Variants in TCF12 observed in about 807,000 individuals in gnomAD.
TCF12 encodes the protein transcription factor 12, also known as DNA-binding protein HTF4.
In TCF12, 45 loss-of-function variants were observed where a neutral mutation model predicts 86.0. The ratio of observed to expected loss-of-function variants is 0.52; its 90% CI spans 0.41 to 0.67. TCF12 has a LOEUF of 0.67. TCF12 is among the 30% of genes least tolerant of loss of function. The probability of loss-of-function intolerance (pLI) is 0.00; values close to 1 mark genes in which losing one functional copy is unlikely to be tolerated. For synonymous variants in TCF12, 330 were observed against 299.6 expected (o/e 1.10, Z -1.05); for missense variants, 881 against 859.9 (o/e 1.02, Z -0.31).
intron 3 of TCF12, among the ~76,000 whole-genome samples, chr15:56,971,789 G>T (rs753484078): frequency 2.0e-5 from 3 of 152,110 alleles, no homozygotes; most frequent in African/African-American, 4.8e-5. Context: ...TTCACTTTCT[G>T]GGGATTCAGT....
intron 3 of TCF12, among the ~76,000 whole-genome samples, chr15:57,006,949 A>G (rs903498435): frequency 6.6e-6 from 1 of 152,102 alleles, no homozygotes; most frequent in Non-Finnish European, 1.5e-5. Context: ...ACAAAATGAG[A>G]TATGGCAATT....
In TCF12 at chr15:57,282,771, G is replaced by C. The variant is rs146740551; in HGVS notation, c.*11+173G>C. On this transcript the variant is annotated intron_variant, in intron 20 of 20. Coordinates refer to ENST00000333725, the MANE Select transcript of TCF12 (RefSeq NM_207037.2). ...TTACATTATCAGACTTAGAGAGCCAGTGTCATTTTATAGCAAATTGCCATT... is the reference window on the plus strand; with the variant it reads ...TTACATTATCAGACTTAGAGAGCCACTGTCATTTTATAGCAAATTGCCATT... 3.0e-4 allele frequency among the ~76,000 whole-genome samples: 45 copies of C among 152,332 alleles called. 1 individual carries two copies. The East Asian group carries it at 8.5e-3, about 29-fold the overall frequency.
intron 8 of TCF12, among the ~76,000 whole-genome samples, chr15:57,228,653 A>C (rs1472828003): frequency 6.6e-6 from 1 of 152,014 alleles, no homozygotes; most frequent in Admixed American, 6.6e-5. Flanking sequence ...TCTGATCAGC[A>C]TATTCTCTTT....
At chr15:57,105,340 G>C (rs1470898054) in intron 5 of TCF12, among the ~76,000 whole-genome samples, 2 of 152,190 alleles carry the variant, frequency 1.3e-5, no homozygotes, top group Non-Finnish European at 2.9e-5. Flanking sequence ...GCTCCCTGGT[G>C]AGGGAACATG....
chr15:57,105,493 C>T (rs1302635955), intron 5 of TCF12, among the ~76,000 whole-genome samples: 7 of 152,050 alleles, frequency 4.6e-5, no homozygotes, highest in African/African-American at 1.4e-4. Flanking sequence ...TTGCTCACTG[C>T]AATCTCACTC....
intron 5 of TCF12, among the ~76,000 whole-genome samples, chr15:57,160,892 G>A (rs1486575110): frequency 6.6e-6 from 1 of 151,348 alleles, no homozygotes; most frequent in African/African-American, 2.4e-5. Flanking sequence ...TTCTCACTAT[G>A]TTGCCCAGGC....
At chr15:57,167,425 G>A (rs2054982339) in intron 6 of TCF12, among the ~76,000 whole-genome samples, 1 of 152,070 alleles carries the variant, frequency 6.6e-6, no homozygotes, top group African/African-American at 2.4e-5. Context: ...GCCAGGTGTA[G>A]TGGTGCATGC....
rs140371989 is a variant in TCF12 at position 57,273,261 on chromosome 15, A to G, written c.1977A>G (p.Arg659=). Residue 659 remains arginine (R), a splice_region_variant and synonymous_variant, in exon 19 of 21, where the codon AGA becomes AGG. Coordinates refer to ENST00000333725, the MANE Select transcript of TCF12 (RefSeq NM_207037.2). ...TCCTTAGTCTAGAACAGCAAGTCAGAGGTAAGTAGGTTCAGCCGAGATGTA... is the reference window on the plus strand; with the variant it reads ...TCCTTAGTCTAGAACAGCAAGTCAGGGGTAAGTAGGTTCAGCCGAGATGTA... ...AVILSLEQQV[R]ERNLNPKAAC... 1 of 1,613,900 alleles carries G rather than the reference A, an allele frequency of 6.2e-7. No individual in the cohort carries two copies. Among genetic ancestry groups the G allele is most frequent in the African/African-American group, 1.3e-5 (1 of 74,906 alleles).
chr15:57,030,074 C>CTA (rs35861649), intron 3 of TCF12, among the ~76,000 whole-genome samples: 84,923 of 151,682 alleles, frequency 0.56, 25,144 homozygotes, highest in African/African-American at 0.75. Context: ...GTTTTCATTT[C>CTA]TAGTTTTCAT....
At chr15:57,021,077 A>C (rs999729779) in intron 3 of TCF12, among the ~76,000 whole-genome samples, 9 of 152,210 alleles carry the variant, frequency 5.9e-5, no homozygotes, top group Middle Eastern at 3.2e-3. Flanking sequence ...AGTGGAAATT[A>C]TCTCTTCTGT....
chr15:57,119,767 G>C (rs1006780158), intron 5 of TCF12, among the ~76,000 whole-genome samples: 5 of 152,090 alleles, frequency 3.3e-5, no homozygotes, highest in Non-Finnish European at 7.4e-5. Context: ...ATGTGATCCT[G>C]TGGCAATCCT....
intron 6 of TCF12, among the ~76,000 whole-genome samples, chr15:57,181,604 T>C (rs2056357128): frequency 6.6e-6 from 1 of 152,218 alleles, no homozygotes; most frequent in Non-Finnish European, 1.5e-5. Flanking sequence ...TTCATTTACT[T>C]TTTGTTTATT....
At chr15:56,995,523 T>C (rs1297191343) in intron 3 of TCF12, among the ~76,000 whole-genome samples, 1 of 152,058 alleles carries the variant, frequency 6.6e-6, no homozygotes, top group Non-Finnish European at 1.5e-5. Context: ...GTAGTGATCT[T>C]TTACGTCCTT....
intron 4 of TCF12, among the ~76,000 whole-genome samples, chr15:57,070,015 C>A (rs889451450): frequency 6.6e-6 from 1 of 152,052 alleles, no homozygotes; most frequent in Non-Finnish European, 1.5e-5. Context: ...TTACTTTAAT[C>A]TTTTTTTCTT....
At chr15:57,056,039 G>A (rs2067992863) in intron 3 of TCF12, among the ~76,000 whole-genome samples, 1 of 151,028 alleles carries the variant, frequency 6.6e-6, no homozygotes, top group Non-Finnish European at 1.5e-5. Flanking sequence ...TTCACTTACT[G>A]TTACCCCTGT....
chr15:57,147,729 T>A (rs1209836932), intron 5 of TCF12, among the ~76,000 whole-genome samples: 1 of 152,042 alleles, frequency 6.6e-6, no homozygotes, highest in Non-Finnish European at 1.5e-5. Context: ...AAAATACAAA[T>A]ATGGAAAATG....
intron 5 of TCF12, among the ~76,000 whole-genome samples, chr15:57,119,545 G>A (rs539172888): frequency 1.3e-5 from 2 of 148,508 alleles, no homozygotes; most frequent in Non-Finnish European, 3.0e-5. Flanking sequence ...TTGTAAACCA[G>A]CTAGTAAAAT....
At chr15:57,089,647 T>A (rs929586087) in intron 4 of TCF12, among the ~76,000 whole-genome samples, 3 of 151,640 alleles carry the variant, frequency 2.0e-5, no homozygotes, top group Non-Finnish European at 2.9e-5. Context: ...TGAAGAGAAC[T>A]GGGAGGATAC....
chr15:57,242,208 T>A (rs1298968355), intron 12 of TCF12, among the ~76,000 whole-genome samples: 1 of 152,200 alleles, frequency 6.6e-6, no homozygotes, highest in Admixed American at 6.5e-5. Flanking sequence ...ACTGGATGAC[T>A]TTTTGCACTC....
Sources: allele counts gnomAD v4.1 joint callset (sites outside exome capture counted in the v4.1 genomes callset), GRCh38; gene constraint gnomAD v4.1.1; transcripts MANE v1.5; gene names NCBI Gene and HGNC (gene_info 2026-07-23, HGNC 2026-07-21).